The following RAPH1 variants were observed in gnomAD, a reference collection of about 807,000 sequenced individuals.
RAPH1 encodes ras-associated and pleckstrin homology domains-containing protein 1.
RAPH1 carries 18 observed loss-of-function variants against 88.1 expected under a neutral mutation model. That is an observed-to-expected ratio of 0.20 (90% CI 0.14 to 0.30). The LOEUF is 0.30. RAPH1 is among the 10% of genes least tolerant of loss of function. The pLI is 1.00. For missense variants in RAPH1, 1,448 were observed against 1,543.2 expected (o/e 0.94, Z 1.03); for synonymous variants, 587 against 559.0 (o/e 1.05, Z -0.71).
intron 1 of RAPH1, among the ~76,000 whole-genome samples, chr2:203,508,063 C>T (rs1375477783): frequency 2.0e-5 from 3 of 149,998 alleles, no homozygotes; most frequent in Non-Finnish European, 1.5e-5. Flanking sequence ...AAAAAAAATA[C>T]AAAAAAATTA....
Position 203,461,419 on chromosome 2 carries a change from TA to T in RAPH1, c.811-12del. The T allele has an allele frequency of 1.9e-6, 3 of 1,580,784 alleles. No individual in the cohort carries two copies. The South Asian group carries it at 3.6e-5, about 19-fold the overall frequency. ...GACTCTGATCACCAGCTATAACAGGTAAAAAGAAAAGTAAATGAACACTAAA... is the reference window on the plus strand; with the variant it reads ...GACTCTGATCACCAGCTATAACAGGTAAAAGAAAAGTAAATGAACACTAAA... On this transcript the variant is annotated splice_polypyrimidine_tract_variant and intron_variant, in intron 5 of 13. Coordinates refer to ENST00000319170, the MANE Select transcript of RAPH1 (RefSeq NM_213589.3).
intron 4 of RAPH1, chr2:203,476,978 G>GA: frequency 1.2e-6 from 1 of 857,228 alleles, no homozygotes; most frequent in Non-Finnish European, 1.9e-6. Context: ...ATTTTTATTT[G>GA]AAAAACTGAA....
At chr2:203,509,886 C>T (rs929158087) in intron 1 of RAPH1, among the ~76,000 whole-genome samples, 5 of 152,070 alleles carry the variant, frequency 3.3e-5, no homozygotes, top group South Asian at 2.1e-4. Flanking sequence ...GCCCCTGCTC[C>T]GGCCATGTCA....
Position 203,478,071 on chromosome 2 carries a change from C to T in RAPH1, c.732+11513G>A, listed in dbSNP as rs372378161. 1.5e-4 allele frequency among the ~76,000 whole-genome samples: 23 copies of T among 149,870 alleles called. No homozygotes were observed. In the East Asian group the frequency reaches 3.5e-3, roughly 23 times the overall value. ...TTTTTGAGACGGAGTCTTGCTCAGT[C>T]GCCCAGGCTGGAGTGCAAGTGGCAC... On this transcript the variant is annotated intron_variant, in intron 4 of 13. Coordinates refer to ENST00000319170, the MANE Select transcript of RAPH1 (RefSeq NM_213589.3).
chr2:203,461,886 C>G lies in RAPH1; in HGVS notation c.772G>C (p.Val258Leu), dbSNP rs564820280. ...GCCTCTTTAATTTTCTCTAGGGCAA[C>G]TCTGATCTTCTCAGCTTTCAATTTT... is the stretch of plus-strand genomic sequence containing the variant. Reference protein sequence around the residue: ...AAKLKAEKIRVALEKIKEAQV... With the variant: ...AAKLKAEKIRLALEKIKEAQV... Residue 258 changes from valine (V) to leucine (L), a missense_variant, in exon 5 of 14, where the codon GTT becomes CTT. Physicochemically the swap from Val to Leu is conservative, Grantham distance 32. Coordinates refer to ENST00000319170, the MANE Select transcript of RAPH1 (RefSeq NM_213589.3). 1 of 1,610,116 alleles carries G rather than the reference C, an allele frequency of 6.2e-7. No individual in the cohort carries two copies. Among genetic ancestry groups the G allele is most frequent in the South Asian group, 1.1e-5 (1 of 90,256 alleles).
In RAPH1 at chr2:203,489,711, T is replaced by C. The variant is rs566028813; in HGVS notation, c.605A>G (p.His202Arg). ...GGAATGGGAGGAATTACTAATAGAG[T>C]GTACTTCAGCATCACTCACTGTGCC... is the stretch of plus-strand genomic sequence containing the variant. ...SAGTVSDAEV[H>R]SISNSSHSSI... The change falls in exon 4 of 14, where the codon CAC (histidine) becomes CGC (arginine). Residue 202 changes from histidine to arginine, a missense_variant. This residue lies in a region of RAPH1 where 513 missense variants were observed against 653.1 expected (regional missense o/e 0.79). Transcript: ENST00000319170. The C allele has an allele frequency of 3.7e-6, 6 of 1,613,996 alleles. No homozygotes were observed. The East Asian group carries it at 6.7e-5, about 18-fold the overall frequency.
intron 1 of RAPH1, among the ~76,000 whole-genome samples, chr2:203,517,414 A>G (rs988677986): frequency 2.0e-5 from 3 of 151,666 alleles, no homozygotes; most frequent in Non-Finnish European, 2.9e-5. Flanking sequence ...ATCCACTATC[A>G]TAGCTGGAGA....
intron 2 of RAPH1, among the ~76,000 whole-genome samples, chr2:203,494,709 T>C (rs1688432637): frequency 6.7e-6 from 1 of 148,860 alleles, no homozygotes; most frequent in Non-Finnish European, 1.5e-5. Context: ...CTCGGGAGGC[T>C]GAGGCAGGAG....
At position 203,491,222 on chromosome 2, in the gene RAPH1, T is replaced by C. The variant is rs1688250630; in HGVS notation, c.218A>G (p.Asn73Ser). The change falls in exon 3 of 14, where the codon AAC (asparagine) becomes AGC (serine). Residue 73 changes from asparagine to serine, a missense_variant. Coordinates refer to ENST00000319170, the MANE Select transcript of RAPH1 (RefSeq NM_213589.3). ...ANFSYRFSIY[N>S]LNEALNQGET... is the part of the protein sequence containing the mutation. The stretch of plus-strand genomic sequence containing the variant: ...TTCCAATTACATCTTACCATTCAAG[T>C]TGTATATGGAGAAGCGGTAAGAAAA... 6.3e-7 allele frequency: 1 copy of C among 1,599,278 alleles called. No homozygotes were observed. The highest frequency in any genetic ancestry group is 1.3e-5 in the African/African-American group (1 of 74,558).
chr2:203,437,045 T>G lies in RAPH1; in HGVS notation c.*2392A>C, dbSNP rs1052562153. On this transcript the variant is annotated 3_prime_UTR_variant, in exon 14 of 14. Transcript: ENST00000319170. ...TTAAAATGAGTCTCCTCCTCTAGCCTTACTCTCTTCCTGGCATCATTAGTG... is the reference window on the plus strand; with the variant it reads ...TTAAAATGAGTCTCCTCCTCTAGCCGTACTCTCTTCCTGGCATCATTAGTG... The G allele has an allele frequency of 6.6e-6, 1 of 152,106 alleles. No individual in the cohort carries two copies. The highest frequency in any genetic ancestry group is 1.5e-5 in the Non-Finnish European group (1 of 68,048). 9.4% of individuals were successfully genotyped at this position (152,106 alleles called of 1,614,324 possible).
In RAPH1 at chr2:203,491,195, A is replaced by C; in HGVS notation, c.226+19T>G. Reference sequence around the variant, plus strand: ...GACTTAGCATACTATTTTACATTTTATTTCCAATTACATCTTACCATTCAA... The same window carrying C: ...GACTTAGCATACTATTTTACATTTTCTTTCCAATTACATCTTACCATTCAA... On this transcript the variant is annotated intron_variant, in intron 3 of 13. Transcript: ENST00000319170. 6.6e-7 allele frequency: 1 copy of C among 1,526,464 alleles called. No individual in the cohort carries two copies. The highest frequency in any genetic ancestry group is 2.3e-5 in the East Asian group (1 of 44,336). The allele number at this position is 1,526,464 out of a possible 1,614,324, so 94.6% of individuals were successfully genotyped here. A position where few individuals can be genotyped will look rare whatever the true frequency, so the allele number is the denominator to read the frequency against.
chr2:203,440,873 G>A lies in RAPH1; in HGVS notation c.2317C>T (p.Leu773Phe). The A allele has an allele frequency of 6.8e-7, 1 of 1,476,860 alleles. No individual in the cohort carries two copies. The highest frequency in any genetic ancestry group is 2.3e-5 in the East Asian group (1 of 43,732). 91.5% of individuals were successfully genotyped at this position (1,476,860 alleles called of 1,614,324 possible). Residue 773 changes from leucine (L) to phenylalanine (F), a missense_variant, in exon 14 of 14, where the codon CTC becomes TTC. Physicochemically the swap from Leu to Phe is conservative, Grantham distance 22. Coordinates refer to ENST00000319170, the MANE Select transcript of RAPH1 (RefSeq NM_213589.3). ...PPPPPPIPAP[L>F]PPQAPPKPLV... ...GGTTTTGGGGGAGCTTGGGGAGGGA[G>A]GGGTGCAGGGATAGGAGGAGGTGGG...
chr2:203,478,443 C>A (rs1369472801), intron 4 of RAPH1, among the ~76,000 whole-genome samples: 2 of 152,068 alleles, frequency 1.3e-5, no homozygotes, highest in Non-Finnish European at 2.9e-5. Flanking sequence ...CCCTCCATCC[C>A]TCCATACAAT....
At chr2:203,453,970 G>A (rs1258127093) in intron 10 of RAPH1, among the ~76,000 whole-genome samples, 3 of 152,076 alleles carry the variant, frequency 2.0e-5, no homozygotes, top group African/African-American at 7.2e-5. Context: ...GGGCTATCAT[G>A]ACTATAGTTC....
intron 12 of RAPH1, chr2:203,447,367 T>G (rs2153636252): frequency 6.6e-6 from 1 of 152,404 alleles, no homozygotes; most frequent in South Asian, 2.1e-4. Flanking sequence ...GAAATGTATG[T>G]GTATATACAC....
In RAPH1 at chr2:203,516,520, G is replaced by A. The variant is rs552691562; in HGVS notation, c.-1+18591C>T. 9.2e-5 allele frequency among the ~76,000 whole-genome samples: 14 copies of A among 152,130 alleles called. No individual in the cohort carries two copies. In the South Asian group the frequency reaches 1.2e-3, roughly 14 times the overall value. On this transcript the variant is annotated intron_variant, in intron 1 of 13. Transcript: ENST00000319170. ...ATCCCAGATTTTGGGAGGCCAAGGC[G>A]GGCAGATCAGTTCAGGCCAGGAGTT...
In RAPH1 at chr2:203,502,604, G is replaced by A. The variant is rs962208691; in HGVS notation, c.1-7251C>T. On this transcript the variant is annotated intron_variant, in intron 1 of 13. Transcript: ENST00000319170. ...TGGGAGGCCGAGGCGGGCGGATCAC[G>A]AGGTCAGGAGATTGAGACCATCCTG... Among the ~76,000 whole-genome samples the A allele has an allele frequency of 5.6e-5, 8 of 143,122 alleles. No homozygotes were observed. In the East Asian group the frequency reaches 8.5e-4, roughly 15 times the overall value. 93.9% of individuals were successfully genotyped at this position (143,122 alleles called of 152,430 possible).
chr2:203,470,349 C>G, intron 4 of RAPH1: 1 of 1,440,702 alleles, frequency 6.9e-7, no homozygotes, highest in Non-Finnish European at 9.7e-7. Context: ...CAAAAAAAGG[C>G]AATAACAGAA....
Position 203,491,927 on chromosome 2 carries a change from A to C in RAPH1, c.121-608T>G, listed in dbSNP as rs1427102865. Among the ~76,000 whole-genome samples the C allele has an allele frequency of 3.9e-5, 6 of 152,186 alleles. No homozygotes were observed. The East Asian group carries it at 1.2e-3, about 29-fold the overall frequency. ...CATGCACTATAAAATAAGTGAGGTA[A>C]GTGAATATGGACATGGTAAGCTAAG... On this transcript the variant is annotated intron_variant, in intron 2 of 13. Coordinates refer to ENST00000319170, the MANE Select transcript of RAPH1 (RefSeq NM_213589.3).
Sources: gnomAD v4.1 joint callset for allele counts (sites outside exome capture counted in the v4.1 genomes callset) on GRCh38, gnomAD v4.1.1 for gene constraint, gnomAD v4.1.1 regional missense constraint, MANE v1.5 for transcripts, NCBI Gene and HGNC (gene_info 2026-07-23, HGNC 2026-07-21) for gene names.